The following ANKRD29 variants were observed in gnomAD, a reference collection of about 807,000 sequenced individuals.
ANKRD29 encodes ankyrin repeat domain 29, also known as ankyrin repeat domain-containing protein 29.
A neutral mutation model predicts 38.0 loss-of-function variants in ANKRD29; 32 were observed. That is an observed-to-expected ratio of 0.84 (90% CI 0.64 to 1.13). The LOEUF is 1.13. ANKRD29 is among the 50% of genes most tolerant of loss of function. The probability of loss-of-function intolerance (pLI) is 0.00; values close to 1 mark genes in which losing one functional copy is unlikely to be tolerated. For synonymous variants in ANKRD29, 135 were observed against 152.4 expected (o/e 0.89, Z 0.84); for missense variants, 357 against 377.9 (o/e 0.94, Z 0.46).
In ANKRD29 at chr18:23,614,605, T is replaced by A. The variant is rs1042721076; in HGVS notation, c.724-2415A>T. ...AGGCTGAGGCAGGAGGATGAGAGAA[T>A]CACTTGAGCCCAGGAGTTCAAAGGT... On this transcript the variant is annotated intron_variant, in intron 8 of 9. Transcript: ENST00000592179. 2.0e-5 allele frequency among the ~76,000 whole-genome samples: 3 copies of A among 147,572 alleles called. No homozygotes were observed. In the Admixed American group the frequency reaches 2.1e-4, roughly 10 times the overall value.
intron 8 of ANKRD29, among the ~76,000 whole-genome samples, chr18:23,616,599 A>AC (rs1568013898): frequency 2.6e-4 from 37 of 143,302 alleles, no homozygotes; most frequent in African/African-American, 9.4e-4. Flanking sequence ...TATATACTAT[A>AC]TATACTATAT....
intron 6 of ANKRD29, among the ~76,000 whole-genome samples, chr18:23,628,767 A>G (rs2059892514): frequency 6.6e-6 from 1 of 151,574 alleles, no homozygotes; most frequent in Admixed American, 6.6e-5. Context: ...CCAGGAGGCG[A>G]AGGTTACAAT....
rs548798525 is a variant in ANKRD29 at position 23,642,468 on chromosome 18, G to A, written c.232-3521C>T. Among the ~76,000 whole-genome samples the A allele has an allele frequency of 1.9e-3, 293 of 152,216 alleles. 1 individual carries two copies. The highest frequency in any genetic ancestry group is 6.5e-3 in the African/African-American group (268 of 41,544). On this transcript the variant is annotated intron_variant, in intron 3 of 9. Coordinates refer to ENST00000592179, the MANE Select transcript of ANKRD29 (RefSeq NM_173505.4). ...GCCAGTGGCTGGAGCTGCCTGCCTC[G>A]CCACAGCTGGCATGCCTGGTTGTGT...
At chr18:23,652,022 T>C (rs927557129) in intron 1 of ANKRD29, among the ~76,000 whole-genome samples, 2 of 152,108 alleles carry the variant, frequency 1.3e-5, no homozygotes, top group Admixed American at 1.3e-4. Context: ...TTCTTGAAGA[T>C]TGGAAACACC....
chr18:23,604,537 T>A (rs2059552260), intron 9 of ANKRD29, among the ~76,000 whole-genome samples: 1 of 152,170 alleles, frequency 6.6e-6, no homozygotes, highest in Admixed American at 6.5e-5. Context: ...CAGGTGCTTT[T>A]TTTTTTCCTT....
At chr18:23,603,408 G>A (rs548308766) in intron 9 of ANKRD29, among the ~76,000 whole-genome samples, 1 of 152,328 alleles carries the variant, frequency 6.6e-6, no homozygotes, top group Admixed American at 6.5e-5. Flanking sequence ...CAAGGCAAGT[G>A]GATCACCTGA....
intron 1 of ANKRD29, among the ~76,000 whole-genome samples, chr18:23,656,343 C>T (rs138877267): frequency 6.6e-6 from 1 of 152,220 alleles, no homozygotes; most frequent in Non-Finnish European, 1.5e-5. Flanking sequence ...ACTTATAATG[C>T]TCTATTTATT....
At chr18:23,611,909 T>C (rs2059647351) in intron 9 of ANKRD29, among the ~76,000 whole-genome samples, 183 bp downstream of exon 9, 1 of 152,110 alleles carries the variant, frequency 6.6e-6, no homozygotes, top group Non-Finnish European at 1.5e-5. Context: ...GGGTTTTTAT[T>C]AACAGTAGAA....
intron 8 of ANKRD29, among the ~76,000 whole-genome samples, chr18:23,616,418 G>A (rs867915742): frequency 1.3e-5 from 2 of 149,380 alleles, no homozygotes; most frequent in South Asian, 2.1e-4. Context: ...AGTCCCAGCC[G>A]AGGCAGGAGG....
chr18:23,629,416 G>A (rs2059901939), intron 6 of ANKRD29, among the ~76,000 whole-genome samples: 2 of 152,246 alleles, frequency 1.3e-5, no homozygotes, highest in South Asian at 4.1e-4. Flanking sequence ...CCAACGGCAT[G>A]GGCTCCTCTT....
chr18:23,620,187 C>A (rs368153198), intron 6 of ANKRD29, among the ~76,000 whole-genome samples: 1 of 152,136 alleles, frequency 6.6e-6, no homozygotes, highest in South Asian at 2.1e-4. Context: ...CAAGTCATTT[C>A]TCCTACTCTT....
chr18:23,635,740 C>T (rs983300738), intron 4 of ANKRD29, among the ~76,000 whole-genome samples: 7 of 152,160 alleles, frequency 4.6e-5, no homozygotes, highest in Admixed American at 3.9e-4. Flanking sequence ...GCCTTTTGAC[C>T]AGTCATGTGG....
At chr18:23,624,491 A>AAAAAAAAAAAAAAAAAAAAG (rs2059837156) in intron 6 of ANKRD29, among the ~76,000 whole-genome samples, 1 of 147,464 alleles carries the variant, frequency 6.8e-6, no homozygotes. Flanking sequence ...AAAAAAAAAA[A>AAAAAAAAAAAAAAAAAAAAG]AAAAAAAAAG....
chr18:23,632,908 A>C (rs2059952282), intron 5 of ANKRD29, among the ~76,000 whole-genome samples: 1 of 152,166 alleles, frequency 6.6e-6, no homozygotes, highest in African/African-American at 2.4e-5. Flanking sequence ...TAACCATGTA[A>C]ACTCTGGAAA....
At chr18:23,615,922 TG>T (rs2145650010) in intron 8 of ANKRD29, among the ~76,000 whole-genome samples, 1 of 140,864 alleles carries the variant, frequency 7.1e-6, no homozygotes, top group African/African-American at 2.7e-5. Context: ...CTATATAGTA[TG>T]TATATATTAT....
chr18:23,606,927 T>C (rs1318439560), intron 9 of ANKRD29, among the ~76,000 whole-genome samples: 2 of 152,154 alleles, frequency 1.3e-5, no homozygotes, highest in Non-Finnish European at 2.9e-5. Context: ...GCAGGCAGTA[T>C]CGGGGATGGA....
intron 7 of ANKRD29, 82 bp downstream of exon 7, chr18:23,619,449 T>A: frequency 7.5e-7 from 1 of 1,329,568 alleles, no homozygotes; most frequent in African/African-American, 1.5e-5. Flanking sequence ...CCATGTGGGC[T>A]GCAGACTCAG....
At chr18:23,657,225 A>G (rs1479975571) in intron 1 of ANKRD29, among the ~76,000 whole-genome samples, 1 of 152,000 alleles carries the variant, frequency 6.6e-6, no homozygotes, top group African/African-American at 2.4e-5. Flanking sequence ...CCAAATCCTG[A>G]CTTCATCCTG....
intron 5 of ANKRD29, among the ~76,000 whole-genome samples, chr18:23,631,893 G>A (rs1173798633): frequency 6.6e-6 from 1 of 152,182 alleles, no homozygotes; most frequent in East Asian, 1.9e-4. Context: ...TCGCAGCGCA[G>A]GGTGAGCTTC....
Sources: allele counts gnomAD v4.1 joint callset (sites outside exome capture counted in the v4.1 genomes callset), GRCh38; gene constraint gnomAD v4.1.1; transcripts MANE v1.5; gene names NCBI Gene and HGNC (gene_info 2026-07-23, HGNC 2026-07-21).